FCHO2: variants seen among roughly 807,000 people sequenced by gnomAD.
FCHO2 encodes FCH and mu domain containing endocytic adaptor 2, also known as F-BAR domain only protein 2.
FCHO2 carries 43 observed loss-of-function variants against 114.1 expected under a neutral mutation model. The observed-to-expected ratio is 0.38, with a 90% confidence interval of 0.30 to 0.49. The LOEUF is 0.49. Among genes scored for constraint, FCHO2 ranks in the 20% least tolerant of loss-of-function variants. The pLI is 0.97. For synonymous variants in FCHO2, 293 were observed against 315.2 expected, an observed-to-expected ratio of 0.93 and a Z score of 0.75; for missense variants, 807 against 950.4, an observed-to-expected ratio of 0.85 and a Z score of 1.98.
chr5:72,986,882 T>C (rs557719704), intron 2 of FCHO2, among the ~76,000 whole-genome samples: 2 of 150,822 alleles, frequency 1.3e-5, no homozygotes, highest in South Asian at 2.1e-4. Context: ...TTCTTTTTTT[T>C]TTCTTTTTTT....
intron 5 of FCHO2, among the ~76,000 whole-genome samples, chr5:73,003,327 T>G (rs546795356): frequency 1.1e-4 from 16 of 152,018 alleles, no homozygotes; most frequent in Non-Finnish European, 1.9e-4. Context: ...TTTTAAAAAT[T>G]TTTATTGTAT....
Position 73,062,395 on chromosome 5 carries a change from T to C in FCHO2, c.1346-1446T>C, listed in dbSNP as rs72764879. On this transcript the variant is annotated intron_variant, in intron 17 of 25. Transcript: ENST00000430046. The stretch of plus-strand genomic sequence containing the variant: ...GACAGACCACTTGATCAGTAATAAA[T>C]GCCTCTGCTGTGTAAACTCTCTCAC... 2.3e-3 allele frequency among the ~76,000 whole-genome samples: 355 copies of C among 152,256 alleles called. No individual in the cohort carries two copies. The Middle Eastern group carries it at 0.031, about 13-fold the overall frequency.
At chr5:72,995,834 C>A (rs937829761) in intron 5 of FCHO2, among the ~76,000 whole-genome samples, 3 of 151,896 alleles carry the variant, frequency 2.0e-5, no homozygotes, top group Non-Finnish European at 4.4e-5. Flanking sequence ...CCTTCATGAC[C>A]GACTCATCTA....
At chr5:72,983,547 C>CTTTTTT (rs35592345) in intron 2 of FCHO2, among the ~76,000 whole-genome samples, 1 of 112,894 alleles carries the variant, frequency 8.9e-6, no homozygotes, top group Non-Finnish European at 1.8e-5. Context: ...AGTGACAATA[C>CTTTTTT]TTTTTTTTTT....
intron 8 of FCHO2, among the ~76,000 whole-genome samples, chr5:73,026,423 T>G (rs1216507722): frequency 1.3e-5 from 2 of 151,948 alleles, no homozygotes; most frequent in Non-Finnish European, 2.9e-5. Context: ...TGAGCCGAGA[T>G]TGCATCATTG....
chr5:73,082,943 A>G (rs1319086453), intron 24 of FCHO2, 118 bp downstream of exon 24: 2 of 781,024 alleles, frequency 2.6e-6, no homozygotes, highest in African/African-American at 1.8e-5. Flanking sequence ...ACACAATCTC[A>G]GCTCACTGCA....
intron 1 of FCHO2, among the ~76,000 whole-genome samples, chr5:72,956,504 GC>G (rs900659668): frequency 6.6e-6 from 1 of 151,940 alleles, no homozygotes; most frequent in Non-Finnish European, 1.5e-5. Flanking sequence ...CCGCGGCACA[GC>G]CGCCTCCCGC....
chr5:73,008,740 G>A (rs1238993278), intron 6 of FCHO2, among the ~76,000 whole-genome samples: 1 of 151,992 alleles, frequency 6.6e-6, no homozygotes, highest in African/African-American at 2.4e-5. Flanking sequence ...GAACTGATAC[G>A]AGGCTGTCTA....
intron 16 of FCHO2, among the ~76,000 whole-genome samples, chr5:73,057,799 A>T (rs1027412023): frequency 5.3e-5 from 8 of 152,034 alleles, no homozygotes; most frequent in African/African-American, 1.4e-4. Context: ...GCTCTTTTTT[A>T]TTTGTAAAGC....
intron 24 of FCHO2, among the ~76,000 whole-genome samples, chr5:73,083,370 A>C (rs1040784158): frequency 2.0e-5 from 3 of 152,214 alleles, no homozygotes; most frequent in African/African-American, 7.2e-5. Flanking sequence ...TGTTCTCTAT[A>C]AGAAAAAATT....
At chr5:72,992,643 T>C (rs939320684) in intron 5 of FCHO2, among the ~76,000 whole-genome samples, 2 of 152,152 alleles carry the variant, frequency 1.3e-5, no homozygotes, top group Non-Finnish European at 2.9e-5. Context: ...AACTAAAGCC[T>C]TATTGAAAGT....
At chr5:73,028,348 T>C (rs1756051115) in intron 8 of FCHO2, among the ~76,000 whole-genome samples, 1 of 152,204 alleles carries the variant, frequency 6.6e-6, no homozygotes, top group African/African-American at 2.4e-5. Context: ...ACACTTACCA[T>C]ATGATCCAGT....
chr5:73,010,271 A>T (rs968378904), intron 6 of FCHO2, among the ~76,000 whole-genome samples: 4 of 152,094 alleles, frequency 2.6e-5, no homozygotes, highest in Non-Finnish European at 5.9e-5. Context: ...TTAAGTTTTT[A>T]AAATTTAGGT....
chr5:73,022,578 G>A (rs1463809687), intron 8 of FCHO2, among the ~76,000 whole-genome samples: 3 of 152,088 alleles, frequency 2.0e-5, no homozygotes, highest in East Asian at 3.9e-4. Context: ...ATTCGTCCCC[G>A]GAGGAGATCT....
At chr5:73,006,051 G>A (rs1421529879) in intron 5 of FCHO2, among the ~76,000 whole-genome samples, 1 of 152,138 alleles carries the variant, frequency 6.6e-6, no homozygotes, top group Non-Finnish European at 1.5e-5. Flanking sequence ...CTGCGAAAAG[G>A]AGTGTCAAGC....
At position 73,035,305 on chromosome 5, in the gene FCHO2, G is replaced by C. The variant is rs140423246; in HGVS notation, c.841+604G>C. ...GTGGTGGTGTGCACCTGTAGTCCCA[G>C]CTACTGGGAAGGCTGAGGTAGAAGG... On this transcript the variant is annotated intron_variant, in intron 9 of 25. Transcript: ENST00000430046. 8.1e-3 allele frequency among the ~76,000 whole-genome samples: 1,238 copies of C among 152,162 alleles called. 17 individuals are homozygous for C. Among genetic ancestry groups the C allele is most frequent in the African/African-American group, 0.029 (1,184 of 41,506 alleles).
intron 22 of FCHO2, among the ~76,000 whole-genome samples, chr5:73,080,993 C>G (rs1284297232): frequency 6.6e-6 from 1 of 152,102 alleles, no homozygotes; most frequent in Non-Finnish European, 1.5e-5. Flanking sequence ...GCCTGTAGTC[C>G]TAGCTAGTAC....
intron 11 of FCHO2, among the ~76,000 whole-genome samples, chr5:73,047,795 CT>C (rs1271110952): frequency 6.6e-6 from 1 of 151,932 alleles, no homozygotes; most frequent in Non-Finnish European, 1.5e-5. Context: ...AGTTGTTTTA[CT>C]GTGTTTTTTA....
Position 73,088,587 on chromosome 5 carries a change from G to C in FCHO2, c.*497G>C, listed in dbSNP as rs1743386374. 6.4e-6 allele frequency: 1 copy of C among 157,430 alleles called. No homozygotes were observed. The highest frequency in any genetic ancestry group is 6.2e-5 in the Admixed American group (1 of 16,160). The allele number at this position is 157,430 out of a possible 1,614,324, so 9.8% of individuals were successfully genotyped here. The stretch of plus-strand genomic sequence containing the variant: ...AACACTTAATCAAATTGAGCTATGT[G>C]CCATAAGGTAATCAGACCAGAGTCC... On this transcript the variant is annotated 3_prime_UTR_variant, in exon 26 of 26. Transcript: ENST00000430046.
Sources: gnomAD v4.1 joint callset for allele counts (sites outside exome capture counted in the v4.1 genomes callset) on GRCh38, gnomAD v4.1.1 for gene constraint, MANE v1.5 for transcripts, NCBI Gene and HGNC (gene_info 2026-07-23, HGNC 2026-07-21) for gene names.